Variants in STK32A observed in about 807,000 individuals in gnomAD.
STK32A encodes the protein serine/threonine-protein kinase 32A.
A neutral mutation model predicts 53.2 loss-of-function variants in STK32A; 41 were observed. The ratio of observed to expected loss-of-function variants is 0.77; its 90% CI spans 0.60 to 1.00. The LOEUF (loss-of-function observed/expected upper bound fraction) is 1.00. STK32A is among the 50% of genes least tolerant of loss of function. The pLI, the probability that STK32A is intolerant of heterozygous loss-of-function variation, is 0.00. For synonymous variants in STK32A, 166 were observed against 162.8 expected (o/e 1.02, Z -0.15); for missense variants, 458 against 485.8 (o/e 0.94, Z 0.54).
At chr5:147,280,120 G>T (rs1001351060) in intron 4 of STK32A, among the ~76,000 whole-genome samples, 2 of 152,270 alleles carry the variant, frequency 1.3e-5, no homozygotes, top group South Asian at 4.1e-4. Flanking sequence ...AGCTTGCTGG[G>T]TCCACAAGCA....
Position 147,384,526 on chromosome 5 carries a change from G to C in STK32A, c.*543G>C, listed in dbSNP as rs751450456. 4.8e-5 allele frequency: 53 copies of C among 1,109,214 alleles called. No individual in the cohort carries two copies. Among genetic ancestry groups the C allele is most frequent in the Non-Finnish European group, 6.2e-5 (48 of 768,854 alleles). The allele number at this position is 1,109,214 out of a possible 1,614,324, so 68.7% of individuals were successfully genotyped here. On this transcript the variant is annotated 3_prime_UTR_variant, in exon 13 of 13. Coordinates refer to ENST00000397936, the MANE Select transcript of STK32A (RefSeq NM_001112724.2). ...GAATCAGATTAAAAGTAACAGAGAT[G>C]GATGAGGGCCTTCCAGTGATATGCG...
intron 4 of STK32A, among the ~76,000 whole-genome samples, chr5:147,290,295 G>A (rs1022282764): frequency 8.5e-5 from 13 of 152,128 alleles, no homozygotes; most frequent in African/African-American, 3.1e-4. Flanking sequence ...GGACGTTAAG[G>A]AGGAAAGAAC....
intron 5 of STK32A, among the ~76,000 whole-genome samples, chr5:147,334,146 A>C (rs1186046110): frequency 6.6e-6 from 1 of 152,222 alleles, no homozygotes; most frequent in Non-Finnish European, 1.5e-5. Flanking sequence ...GAGACTGACA[A>C]GCTCTACCTT....
At chr5:147,343,507 T>G (rs944584248) in intron 6 of STK32A, among the ~76,000 whole-genome samples, 7 of 152,238 alleles carry the variant, frequency 4.6e-5, no homozygotes, top group African/African-American at 1.4e-4. Context: ...GGTTTTACAT[T>G]TGCAAATTGG....
chr5:147,292,916 C>T (rs897189738), intron 4 of STK32A, among the ~76,000 whole-genome samples: 17 of 152,080 alleles, frequency 1.1e-4, no homozygotes, highest in African/African-American at 4.1e-4. Context: ...GTAGTTAACT[C>T]TTGTTCTGTT....
At chr5:147,249,141 A>G (rs1361304286) in intron 2 of STK32A, among the ~76,000 whole-genome samples, 1 of 147,924 alleles carries the variant, frequency 6.8e-6, no homozygotes, top group African/African-American at 2.4e-5. Context: ...AACCTATTAA[A>G]ATTTAATTTT....
At chr5:147,241,013 G>A (rs1177892808) in intron 2 of STK32A, among the ~76,000 whole-genome samples, 1 of 152,142 alleles carries the variant, frequency 6.6e-6, no homozygotes, top group African/African-American at 2.4e-5. Flanking sequence ...AGAAAGACTG[G>A]GAAATTCAGT....
intron 6 of STK32A, among the ~76,000 whole-genome samples, chr5:147,350,660 G>A (rs375311173): frequency 1.3e-5 from 2 of 152,114 alleles, no homozygotes; most frequent in South Asian, 2.1e-4. Flanking sequence ...GAGCCACCAC[G>A]CCCAGCCTAT....
At chr5:147,357,255 G>A (rs1051510207) in intron 7 of STK32A, among the ~76,000 whole-genome samples, 1 of 152,038 alleles carries the variant, frequency 6.6e-6, no homozygotes, top group African/African-American at 2.4e-5. Context: ...CTCTGGAAGT[G>A]TCTGAAGATA....
chr5:147,344,388 T>C (rs1755583099), intron 6 of STK32A, among the ~76,000 whole-genome samples: 1 of 152,236 alleles, frequency 6.6e-6, no homozygotes, highest in Non-Finnish European at 1.5e-5. Context: ...TCCTTACCTT[T>C]ACTGCTTCTG....
intron 2 of STK32A, among the ~76,000 whole-genome samples, chr5:147,252,041 A>AT (rs11426230): frequency 0.32 from 47,583 of 149,756 alleles, 7,807 homozygotes; most frequent in African/African-American, 0.4. Flanking sequence ...CATCTCTACC[A>AT]TTTTTTTTTT....
chr5:147,345,066 C>T (rs1306844441), intron 6 of STK32A, among the ~76,000 whole-genome samples: 1 of 152,184 alleles, frequency 6.6e-6, no homozygotes, highest in African/African-American at 2.4e-5. Context: ...AGAGACTACC[C>T]TTGTGAAAGA....
At chr5:147,345,490 C>T (rs1755639634) in intron 6 of STK32A, among the ~76,000 whole-genome samples, 1 of 152,190 alleles carries the variant, frequency 6.6e-6, no homozygotes, top group Non-Finnish European at 1.5e-5. Context: ...CGTACCAAAT[C>T]TCTACCAGAT....
At chr5:147,343,322 C>A (rs78861078) in intron 6 of STK32A, 8,167 of 614,214 alleles carry the variant, frequency 0.013, 101 homozygotes, top group Non-Finnish European at 0.02. Flanking sequence ...ACCATCACAA[C>A]TTTTCAGTGT....
intron 2 of STK32A, among the ~76,000 whole-genome samples, chr5:147,277,297 A>T (rs1751794252): frequency 6.6e-6 from 1 of 152,190 alleles, no homozygotes; most frequent in Non-Finnish European, 1.5e-5. Context: ...TAAACCAAAG[A>T]TTGTCACCTG....
chr5:147,382,629 A>G (rs2152008743), intron 11 of STK32A, among the ~76,000 whole-genome samples: 2 of 152,122 alleles, frequency 1.3e-5, no homozygotes, highest in Middle Eastern at 6.8e-3. Context: ...TTATTGTTGT[A>G]AGCTGTCTCC....
chr5:147,362,805 C>T (rs1267967420), intron 8 of STK32A, among the ~76,000 whole-genome samples: 1 of 152,160 alleles, frequency 6.6e-6, no homozygotes, highest in Non-Finnish European at 1.5e-5. Context: ...GACAAGTGGC[C>T]AGGCACTGGC....
chr5:147,304,681 G>C (rs1231745710), intron 4 of STK32A, among the ~76,000 whole-genome samples: 1 of 152,202 alleles, frequency 6.6e-6, no homozygotes. Context: ...CAGTCATGAA[G>C]CTAATCAACA....
At chr5:147,367,341 C>CA (rs1756802715) in intron 8 of STK32A, among the ~76,000 whole-genome samples, 1 of 152,120 alleles carries the variant, frequency 6.6e-6, no homozygotes, top group South Asian at 2.1e-4. Context: ...GGTGGGATTA[C>CA]AGGTGTGAGC....
Sources: allele counts gnomAD v4.1 joint callset (sites outside exome capture counted in the v4.1 genomes callset), GRCh38; gene constraint gnomAD v4.1.1; transcripts MANE v1.5; gene names NCBI Gene and HGNC (gene_info 2026-07-23, HGNC 2026-07-21).